The following RREB1 variants were observed in gnomAD, a reference collection of about 807,000 sequenced individuals.
The protein encoded by RREB1 is ras-responsive element-binding protein 1.
Under a neutral mutation model 117.8 loss-of-function variants are expected in RREB1, and 27 were observed. The ratio of observed to expected loss-of-function variants is 0.23; its 90% CI spans 0.17 to 0.32. The LOEUF is 0.32. Ranked by LOEUF, RREB1 falls within the 10% of genes least tolerant of loss-of-function variation. The probability of loss-of-function intolerance (pLI) is 1.00; values close to 1 mark genes in which losing one functional copy is unlikely to be tolerated. For synonymous variants in RREB1, 1,298 were observed against 1,026.7 expected (o/e 1.26, Z -5.05); for missense variants, 2,577 against 2,378.2 (o/e 1.08, Z -1.74).
intron 1 of RREB1, among the ~76,000 whole-genome samples, chr6:7,110,189 G>C (rs1001792139): frequency 6.6e-6 from 1 of 152,156 alleles, no homozygotes; most frequent in Non-Finnish European, 1.5e-5. Flanking sequence ...GTGGAAGGTG[G>C]GGAAAAGAGA....
At chr6:7,124,313 G>A (rs1028827290) in intron 1 of RREB1, among the ~76,000 whole-genome samples, 3 of 152,002 alleles carry the variant, frequency 2.0e-5, no homozygotes, top group African/African-American at 7.2e-5. Context: ...ATGTGTATTG[G>A]GGAGGCGGTG....
chr6:7,165,947 T>C (rs555221757), intron 1 of RREB1, among the ~76,000 whole-genome samples: 3 of 152,330 alleles, frequency 2.0e-5, no homozygotes, highest in African/African-American at 7.2e-5. Flanking sequence ...CTTAAGAGCC[T>C]GGGCATGTTC....
At chr6:7,201,980 G>A (rs772297718) in intron 6 of RREB1, among the ~76,000 whole-genome samples, 1 of 148,824 alleles carries the variant, frequency 6.7e-6, no homozygotes, top group African/African-American at 2.4e-5. Flanking sequence ...GGCTATAGAC[G>A]GCCTTGGTCA....
chr6:7,181,220 A>G lies in RREB1; in HGVS notation c.-69A>G. The G allele has an allele frequency of 2.5e-6, 1 of 398,848 alleles. No homozygotes were observed. Among genetic ancestry groups the G allele is most frequent in the Non-Finnish European group, 4.4e-6 (1 of 226,256 alleles). The allele number at this position is 398,848 out of a possible 1,614,324, so 24.7% of individuals were successfully genotyped here. A position where few individuals can be genotyped will look rare whatever the true frequency, so the allele number is the denominator to read the frequency against. ...TAGCTACAGCAGGGGAAAGTTTCATAGTCTATCAGTGGGTCAGAAAATGGA... is the reference window on the plus strand; with the variant it reads ...TAGCTACAGCAGGGGAAAGTTTCATGGTCTATCAGTGGGTCAGAAAATGGA... On this transcript the variant is annotated 5_prime_UTR_variant, in exon 3 of 13. In the 5' UTR this introduces an upstream ATG that the reference lacks. Transcript: ENST00000379938.
rs769663945 is a variant in RREB1 at position 7,230,433 on chromosome 6, C to A, written c.2334C>A (p.Arg778=). 6.3e-6 allele frequency: 10 copies of A among 1,590,924 alleles called. No individual in the cohort carries two copies. Among genetic ancestry groups the A allele is most frequent in the Non-Finnish European group, 8.5e-6 (10 of 1,174,782 alleles). Residue 778 remains arginine, a synonymous_variant, in exon 10 of 13, where the codon CGC becomes CGA. Transcript: ENST00000379938. ...LRIHMRTHCG[R]GLGGGHKGRK... ...TCCACATGCGCACGCACTGCGGCCG[C>A]GGCCTGGGCGGGGGCCACAAGGGCC... is the stretch of plus-strand genomic sequence containing the variant.
chr6:7,172,774 C>T (rs1317266292), intron 1 of RREB1, among the ~76,000 whole-genome samples: 2 of 152,080 alleles, frequency 1.3e-5, no homozygotes, highest in Non-Finnish European at 2.9e-5. Flanking sequence ...CATCAACTTC[C>T]TGGAACTCAA....
At chr6:7,165,535 G>C (rs1217607427) in intron 1 of RREB1, among the ~76,000 whole-genome samples, 2 of 152,116 alleles carry the variant, frequency 1.3e-5, no homozygotes, top group African/African-American at 4.8e-5. Flanking sequence ...TACTGGTAGA[G>C]GTAGGCTTTT....
At chr6:7,108,944 G>A (rs1197095501) in intron 1 of RREB1, among the ~76,000 whole-genome samples, 2 of 146,196 alleles carry the variant, frequency 1.4e-5, no homozygotes. Context: ...GTGCGGGCAC[G>A]TATTGTTCCC....
At chr6:7,240,340 AACAAC>A in intron 10 of RREB1, 93 bp from the exon 11 acceptor site, 1 of 869,462 alleles carries the variant, frequency 1.2e-6, no homozygotes, top group Non-Finnish European at 1.7e-6. Flanking sequence ...AGGAGGGGGG[AACAAC>A]TGCCAATGAT....
In RREB1 at chr6:7,229,928, T is replaced by C. The variant is rs746615014; in HGVS notation, c.1829T>C (p.Met610Thr). The change falls in exon 10 of 13, where the codon ATG becomes ACG. Residue 610 changes from methionine to threonine, a missense_variant. Met to Thr is a moderately conservative substitution (Grantham distance 81). Coordinates refer to ENST00000379938, the MANE Select transcript of RREB1 (RefSeq NM_001003699.4). This position sits in a 1 kb window ranked among gnomAD's most constrained non-coding sequence, Gnocchi z 4.5. Reference protein sequence around the residue: ...SIIEALLPLSMEAKIKQEITE... With the variant: ...SIIEALLPLSTEAKIKQEITE... ...ATCGAGGCCCTGCTGCCGCTGAGCA[T>C]GGAGGCCAAGATCAAGCAGGAGATC... 1.9e-6 allele frequency: 3 copies of C among 1,599,764 alleles called. No homozygotes were observed. In the East Asian group the frequency reaches 6.7e-5, roughly 36 times the overall value.
chr6:7,108,305 G>T (rs1441964613), intron 1 of RREB1, among the ~76,000 whole-genome samples: 1 of 134,616 alleles, frequency 7.4e-6, no homozygotes, highest in Non-Finnish European at 1.7e-5. Context: ...CTCGGGCTGC[G>T]CGCCGGGCCA....
Position 7,137,113 on chromosome 6 carries a change from C to G in RREB1, c.-285+29053C>G, listed in dbSNP as rs188581001. ...TGCCTCAACATGGGGAGTTCCCTCCCCAAAGCCCAGAGCTAATTCGTCACA... is the reference window on the plus strand; with the variant it reads ...TGCCTCAACATGGGGAGTTCCCTCCGCAAAGCCCAGAGCTAATTCGTCACA... On this transcript the variant is annotated intron_variant, in intron 1 of 12. Transcript: ENST00000379938. 4.2e-4 allele frequency among the ~76,000 whole-genome samples: 64 copies of G among 152,338 alleles called. No homozygotes were observed. The East Asian group carries it at 7.9e-3, about 19-fold the overall frequency.
intron 1 of RREB1, among the ~76,000 whole-genome samples, chr6:7,144,424 T>C (rs1358378104): frequency 6.6e-6 from 1 of 152,228 alleles, no homozygotes. Flanking sequence ...TACAATGTGG[T>C]ATTGAAGAGT....
intron 8 of RREB1, among the ~76,000 whole-genome samples, chr6:7,226,051 C>T (rs1212513848): frequency 6.6e-6 from 1 of 152,204 alleles, no homozygotes; most frequent in South Asian, 2.1e-4. Flanking sequence ...AATGTATGCT[C>T]TTCTGACTTT....
intron 1 of RREB1, 75 bp downstream of exon 1, chr6:7,108,135 C>G (rs1340792771): frequency 6.6e-6 from 1 of 152,210 alleles, no homozygotes; most frequent in Non-Finnish European, 1.5e-5. Flanking sequence ...CCGGAGCGAC[C>G]TTTTAAAGAA....
chr6:7,223,365 C>T (rs1269762043), intron 8 of RREB1, among the ~76,000 whole-genome samples: 1 of 151,438 alleles, frequency 6.6e-6, no homozygotes, highest in African/African-American at 2.4e-5. Flanking sequence ...AGTTCAAGGC[C>T]AGCCTGGCCA....
chr6:7,227,181 G>C (rs746135989), intron 9 of RREB1, among the ~76,000 whole-genome samples: 1 of 152,130 alleles, frequency 6.6e-6, no homozygotes, highest in Non-Finnish European at 1.5e-5. Flanking sequence ...GGTTGAGGCT[G>C]CATTGAGCCA....
At chr6:7,111,100 G>A (rs924474978) in intron 1 of RREB1, among the ~76,000 whole-genome samples, 3 of 152,222 alleles carry the variant, frequency 2.0e-5, no homozygotes, top group African/African-American at 7.2e-5. Flanking sequence ...CAGGTACAGC[G>A]TGTTGAAGGA....
At position 7,240,335 on chromosome 6, in the gene RREB1, G is replaced by A. The variant is rs866980657; in HGVS notation, c.3809-103G>A. 8 of 808,484 alleles carry A rather than the reference G, an allele frequency of 9.9e-6. No homozygotes were observed. The African/African-American group carries it at 1.2e-4, about 12-fold the overall frequency. 50.1% of individuals were successfully genotyped at this position (808,484 alleles called of 1,614,324 possible). ...TAATTTTCTTGAAGGGATGGAGGAG[G>A]GGGGAACAACTGCCAATGATCCCAG... On this transcript the variant is annotated intron_variant, in intron 10 of 12. Coordinates refer to ENST00000379938, the MANE Select transcript of RREB1 (RefSeq NM_001003699.4).
Sources: allele counts gnomAD v4.1 joint callset (sites outside exome capture counted in the v4.1 genomes callset), GRCh38; gene constraint gnomAD v4.1.1; non-coding constraint Gnocchi (gnomAD v3.1); transcripts MANE v1.5; gene names NCBI Gene and HGNC (gene_info 2026-07-23, HGNC 2026-07-21).